The following TRIO variants were observed in gnomAD, a reference collection of about 807,000 sequenced individuals.
TRIO encodes the protein trio Rho guanine nucleotide exchange factor.
TRIO carries 58 observed loss-of-function variants against 351.9 expected under a neutral mutation model. The ratio of observed to expected loss-of-function variants is 0.16; its 90% CI spans 0.13 to 0.21. The LOEUF (loss-of-function observed/expected upper bound fraction) is 0.21. Ranked by LOEUF, TRIO falls within the 10% of genes least tolerant of loss-of-function variation. The pLI is 1.00. For missense variants in TRIO, 3,201 were observed against 4,027.8 expected (o/e 0.79, Z 5.56); for synonymous variants, 1,758 against 1,595.7 (o/e 1.10, Z -2.42).
chr5:14,503,862 GGC>G (rs1310094318), intron 54 of TRIO, among the ~76,000 whole-genome samples: 1 of 152,226 alleles, frequency 6.6e-6, no homozygotes, highest in Non-Finnish European at 1.5e-5. Context: ...TGAGGTCCAA[GGC>G]CTCGTCCAGA....
intron 37 of TRIO, 109 bp from the exon 38 acceptor site, chr5:14,471,209 C>T: frequency 7.6e-7 from 1 of 1,309,280 alleles, no homozygotes; most frequent in Non-Finnish European, 1.0e-6. Context: ...TTTATAATTT[C>T]ACAAATACAT....
chr5:14,231,919 G>A (rs1793459752), intron 1 of TRIO, among the ~76,000 whole-genome samples: 1 of 151,684 alleles, frequency 6.6e-6, no homozygotes, highest in Admixed American at 6.6e-5. Context: ...TACTCGTTGG[G>A]AATCTATATG....
At chr5:14,363,456 A>G (rs1475707050) in intron 13 of TRIO, among the ~76,000 whole-genome samples, 1 of 152,100 alleles carries the variant, frequency 6.6e-6, no homozygotes, top group African/African-American at 2.4e-5. Context: ...TTCTCTTTGG[A>G]TACACAAAGA....
chr5:14,173,127 C>T (rs1234020626), intron 1 of TRIO, among the ~76,000 whole-genome samples: 1 of 150,862 alleles, frequency 6.6e-6, no homozygotes, highest in East Asian at 1.9e-4. Flanking sequence ...AGACCTCTTC[C>T]TCTAGGAGGT....
rs145113766 is a variant in TRIO, at chr5:14,171,632, A to AT, written c.157+27756dup. Among the ~76,000 whole-genome samples, 1,113 of 152,324 alleles carry AT rather than the reference A, an allele frequency of 7.3e-3. 10 individuals are homozygous for AT. Among genetic ancestry groups the AT allele is most frequent in the African/African-American group, 0.025 (1,046 of 41,552 alleles). On this transcript the variant is annotated intron_variant, in intron 1 of 56. Coordinates refer to ENST00000344204, the MANE Select transcript of TRIO (RefSeq NM_007118.4). ...GTGTGGGTAGGTTGCTTCAGAATTA[A>AT]TTTTTTAAGAAACTGTTAAGTAATA...
chr5:14,337,580 A>G (rs1229131218), intron 11 of TRIO, among the ~76,000 whole-genome samples: 2 of 152,110 alleles, frequency 1.3e-5, no homozygotes, highest in Non-Finnish European at 2.9e-5. Flanking sequence ...TGGTCATAGG[A>G]TGGGAAAAAG....
rs1189819089 is a variant in TRIO at position 14,488,269 on chromosome 5, G to T, written c.7632+9G>T. ...CCACCCAGAGCAACGGGGTAAGCGC[G>T]TCGGGGGGCCCGCGCCCTCCCGCCC... On this transcript the variant is annotated intron_variant, in intron 48 of 56. Transcript: ENST00000344204. 6.5e-7 allele frequency: 1 copy of T among 1,549,750 alleles called. No homozygotes were observed. Among genetic ancestry groups the T allele is most frequent in the Non-Finnish European group, 8.7e-7 (1 of 1,153,510 alleles).
intron 34 of TRIO, among the ~76,000 whole-genome samples, chr5:14,444,465 G>A (rs1358835443): frequency 6.6e-6 from 1 of 152,208 alleles, no homozygotes; most frequent in Non-Finnish European, 1.5e-5. Flanking sequence ...AGGATGTGCA[G>A]TATAGGATAG....
At chr5:14,355,064 G>A (rs879395536) in intron 11 of TRIO, among the ~76,000 whole-genome samples, 7 of 151,918 alleles carry the variant, frequency 4.6e-5, no homozygotes, top group Admixed American at 3.3e-4. Flanking sequence ...CAGTGGCTCC[G>A]TGCGACTCAA....
chr5:14,167,702 A>G (rs1375351834), intron 1 of TRIO, among the ~76,000 whole-genome samples: 3 of 152,124 alleles, frequency 2.0e-5, no homozygotes, highest in Non-Finnish European at 2.9e-5. Context: ...ATCCGGGGAT[A>G]GGTGTGAGTC....
intron 1 of TRIO, among the ~76,000 whole-genome samples, chr5:14,189,473 A>G (rs1281588883): frequency 1.3e-5 from 2 of 152,202 alleles, no homozygotes; most frequent in Non-Finnish European, 2.9e-5. Context: ...AATCCCCCCA[A>G]ATACAAATAA....
At chr5:14,407,915 A>T (rs184106163) in intron 33 of TRIO, among the ~76,000 whole-genome samples, 7 of 152,324 alleles carry the variant, frequency 4.6e-5, no homozygotes, top group Non-Finnish European at 8.8e-5. Flanking sequence ...GCTAGACTGA[A>T]TTCTTTTTAA....
At chr5:14,209,050 G>A (rs752065804) in intron 1 of TRIO, among the ~76,000 whole-genome samples, 2 of 152,164 alleles carry the variant, frequency 1.3e-5, no homozygotes, top group Non-Finnish European at 2.9e-5. Context: ...GAATTTATTC[G>A]ACAGGTCGCA....
intron 34 of TRIO, among the ~76,000 whole-genome samples, chr5:14,428,540 A>C (rs1579627740): frequency 6.6e-6 from 1 of 152,200 alleles, no homozygotes; most frequent in East Asian, 1.9e-4. Flanking sequence ...TGCAGCCAAG[A>C]CTGAGAGATC....
chr5:14,206,885 A>G (rs965873102), intron 1 of TRIO, among the ~76,000 whole-genome samples: 20 of 152,208 alleles, frequency 1.3e-4, no homozygotes, highest in Non-Finnish European at 2.6e-4. Flanking sequence ...ATAAGCATAT[A>G]TAATCATGTT....
chr5:14,330,129 A>G (rs555182738), intron 9 of TRIO, among the ~76,000 whole-genome samples: 2 of 152,376 alleles, frequency 1.3e-5, no homozygotes, highest in Non-Finnish European at 2.9e-5. Context: ...TACGAAGTTT[A>G]AAACATAAGA....
intron 1 of TRIO, among the ~76,000 whole-genome samples, chr5:14,204,199 A>T (rs1332404208): frequency 6.6e-6 from 1 of 152,154 alleles, no homozygotes; most frequent in Non-Finnish European, 1.5e-5. Flanking sequence ...TGCTGCTAGT[A>T]CATTTCTGCT....
At chr5:14,393,993 T>A in intron 27 of TRIO, 45 bp from the exon 28 acceptor site, 1 of 1,335,374 alleles carries the variant, frequency 7.5e-7, no homozygotes, top group Non-Finnish European at 1.1e-6. Flanking sequence ...GATTTAATAG[T>A]GTAGCCCTAT....
Position 14,507,973 on chromosome 5 carries a change from A to T in TRIO, c.8845A>T (p.Ile2949Phe). 1 of 1,614,190 alleles carries T rather than the reference A, an allele frequency of 6.2e-7. No individual in the cohort carries two copies. The highest frequency in any genetic ancestry group is 8.5e-7 in the Non-Finnish European group (1 of 1,180,016). ...TGTTCAGCTCAACACGACCTACTAC[A>T]TCCACCAGTTACTGGGGAACCCTGA... is the stretch of plus-strand genomic sequence containing the variant. Reference protein sequence around the residue: ...DAVQLNTTYYIHQLLGNPEFA... With the variant: ...DAVQLNTTYYFHQLLGNPEFA... Residue 2949 changes from isoleucine to phenylalanine, a missense_variant, in exon 57 of 57, where the codon ATC becomes TTC. Around this residue, in one of 19 missense-constraint regions of TRIO, gnomAD observed 233 missense variants for 292.6 expected, o/e 0.80. Coordinates refer to ENST00000344204, the MANE Select transcript of TRIO (RefSeq NM_007118.4).
Sources: gnomAD v4.1 joint callset for allele counts (sites outside exome capture counted in the v4.1 genomes callset) on GRCh38, gnomAD v4.1.1 for gene constraint, gnomAD v4.1.1 regional missense constraint, MANE v1.5 for transcripts, NCBI Gene and HGNC (gene_info 2026-07-23, HGNC 2026-07-21) for gene names.